BCAS3: variants seen among roughly 807,000 people sequenced by gnomAD.
BCAS3 encodes BCAS4/BCAS3 fusion.
Under a neutral mutation model 116.1 loss-of-function variants are expected in BCAS3, and 53 were observed. That is an observed-to-expected ratio of 0.46 (90% CI 0.37 to 0.57). The LOEUF is 0.57. Ranked by LOEUF, BCAS3 falls within the 20% of genes least tolerant of loss-of-function variation. The pLI is 0.00. For synonymous variants in BCAS3, 391 were observed against 408.2 expected (o/e 0.96, Z 0.51); for missense variants, 917 against 1,165.4 (o/e 0.79, Z 3.10).
At chr17:60,882,575 G>T (rs1214742426) in intron 9 of BCAS3, among the ~76,000 whole-genome samples, 2 of 152,104 alleles carry the variant, frequency 1.3e-5, no homozygotes, top group African/African-American at 2.4e-5. Context: ...ATGGTTTTAG[G>T]TCTAATGTTT....
At chr17:60,741,281 ATG>A (rs2041525014) in intron 5 of BCAS3, among the ~76,000 whole-genome samples, 1 of 152,174 alleles carries the variant, frequency 6.6e-6, no homozygotes, top group Admixed American at 6.5e-5. Flanking sequence ...TCTGAGCTGC[ATG>A]TGTTGGCCTG....
intron 7 of BCAS3, among the ~76,000 whole-genome samples, chr17:60,834,574 AC>A (rs1391624881): frequency 1.3e-5 from 2 of 152,042 alleles, no homozygotes; most frequent in African/African-American, 4.8e-5. Context: ...TTAAGATGAT[AC>A]TAGAGTAATA....
chr17:60,767,992 A>T (rs2044286587), intron 6 of BCAS3, among the ~76,000 whole-genome samples: 1 of 152,058 alleles, frequency 6.6e-6, no homozygotes, highest in Non-Finnish European at 1.5e-5. Flanking sequence ...TAGGAACAGG[A>T]TCTCACTATG....
intron 14 of BCAS3, among the ~76,000 whole-genome samples, chr17:60,954,062 T>C (rs2060992744): frequency 6.6e-6 from 1 of 152,146 alleles, no homozygotes; most frequent in African/African-American, 2.4e-5. Context: ...AGGGGTTCAG[T>C]TTCAACCTTC....
intron 13 of BCAS3, among the ~76,000 whole-genome samples, chr17:60,946,280 TA>T (rs1374757774): frequency 2.0e-5 from 3 of 152,190 alleles, no homozygotes; most frequent in Admixed American, 6.5e-5. Flanking sequence ...ATCCTCACCT[TA>T]TAACCTGTTG....
chr17:61,038,671 T>G (rs1410374717), intron 18 of BCAS3, among the ~76,000 whole-genome samples: 3 of 132,998 alleles, frequency 2.3e-5, no homozygotes, highest in Non-Finnish European at 4.6e-5. Flanking sequence ...TGTTTTTGTT[T>G]TTTTTTTTTT....
intron 14 of BCAS3, among the ~76,000 whole-genome samples, chr17:60,951,973 T>C (rs2060866196): frequency 6.6e-6 from 1 of 152,032 alleles, no homozygotes; most frequent in South Asian, 2.1e-4. Flanking sequence ...GGTTTCACCA[T>C]GTTGGCCAGG....
chr17:61,221,344 G>A (rs2082099973), intron 22 of BCAS3, among the ~76,000 whole-genome samples: 1 of 151,992 alleles, frequency 6.6e-6, no homozygotes, highest in Admixed American at 6.6e-5. Flanking sequence ...ACCATCCACA[G>A]TGTTGCAGGC....
At chr17:60,732,479 C>T (rs1031239518) in intron 5 of BCAS3, among the ~76,000 whole-genome samples, 3 of 152,088 alleles carry the variant, frequency 2.0e-5, no homozygotes, top group Non-Finnish European at 2.9e-5. Context: ...AGACAAGATG[C>T]TGCTTACCAC....
intron 6 of BCAS3, among the ~76,000 whole-genome samples, chr17:60,782,136 T>C (rs2045889636): frequency 6.6e-6 from 1 of 152,164 alleles, no homozygotes; most frequent in Non-Finnish European, 1.5e-5. Context: ...GTCCAGTTAT[T>C]ACTGAGGAGA....
chr17:61,351,100 A>C (rs1044019325), intron 22 of BCAS3, among the ~76,000 whole-genome samples: 3 of 152,208 alleles, frequency 2.0e-5, no homozygotes, highest in African/African-American at 7.2e-5. Flanking sequence ...CATTCAGTAA[A>C]CAATTATTGG....
rs2058119650 is a variant in BCAS3, at chr17:61,356,053, G to A, written c.2426-12274G>A. ...TCTGTGGCCCAGGCTGGAGTACAATGGCGCAATCTCGGCCCACTGCAACCT... is the reference window on the plus strand; with the variant it reads ...TCTGTGGCCCAGGCTGGAGTACAATAGCGCAATCTCGGCCCACTGCAACCT... On this transcript the variant is annotated intron_variant, in intron 22 of 23. Transcript: ENST00000407086. The surrounding 1 kb of genome is among the most constrained non-coding windows in gnomAD (Gnocchi z 5.4). Among the ~76,000 whole-genome samples the A allele has an allele frequency of 6.6e-6, 1 of 152,152 alleles. No individual in the cohort carries two copies. Among genetic ancestry groups the A allele is most frequent in the African/African-American group, 2.4e-5 (1 of 41,428 alleles).
chr17:61,246,788 TGA>T (rs1285528797), intron 22 of BCAS3, among the ~76,000 whole-genome samples: 4 of 122,150 alleles, frequency 3.3e-5, no homozygotes, highest in Non-Finnish European at 5.1e-5. Context: ...TGCCTTTGAG[TGA>T]GAGTGTGTGT....
intron 22 of BCAS3, among the ~76,000 whole-genome samples, chr17:61,143,197 CTAGGATGTACT>C (rs1226464711): frequency 6.6e-6 from 1 of 152,060 alleles, no homozygotes; most frequent in East Asian, 1.9e-4. Context: ...AAAAACATTG[CTAGGATGTACT>C]TAGTAATTGG....
chr17:60,726,223 C>A (rs1261128000), intron 5 of BCAS3, among the ~76,000 whole-genome samples: 2 of 112,558 alleles, frequency 1.8e-5, no homozygotes, highest in Non-Finnish European at 1.8e-5. Context: ...TTTTTTGAGA[C>A]AGAGTCTCAC....
intron 14 of BCAS3, among the ~76,000 whole-genome samples, chr17:60,985,122 T>C (rs2063055683): frequency 6.6e-6 from 1 of 150,436 alleles, no homozygotes; most frequent in Non-Finnish European, 1.5e-5. Context: ...ATTTGAGTTA[T>C]AAACGATTCA....
At chr17:61,050,779 C>T (rs555061455) in intron 19 of BCAS3, among the ~76,000 whole-genome samples, 2 of 151,990 alleles carry the variant, frequency 1.3e-5, no homozygotes, top group African/African-American at 4.8e-5. Flanking sequence ...GGAATTGCTA[C>T]ATTAATATCA....
At chr17:61,142,797 T>C (rs183533123) in intron 22 of BCAS3, among the ~76,000 whole-genome samples, 48 of 152,194 alleles carry the variant, frequency 3.2e-4, no homozygotes, top group Admixed American at 4.6e-4. Context: ...GTTGTTGGGG[T>C]TGTATGATGG....
intron 22 of BCAS3, among the ~76,000 whole-genome samples, chr17:61,297,672 A>G (rs1049110112): frequency 6.6e-6 from 1 of 152,138 alleles, no homozygotes; most frequent in African/African-American, 2.4e-5. Context: ...GGGGGTCCTC[A>G]GTGGTCGATG....
Sources: allele counts gnomAD v4.1 joint callset (sites outside exome capture counted in the v4.1 genomes callset), GRCh38; gene constraint gnomAD v4.1.1; non-coding constraint Gnocchi (gnomAD v3.1); transcripts MANE v1.5; gene names NCBI Gene and HGNC (gene_info 2026-07-23, HGNC 2026-07-21).